The following CAGE1 variants were observed in gnomAD, a reference collection of about 807,000 sequenced individuals.
CAGE1 encodes the protein cancer-associated gene 1 protein.
CAGE1 carries 66 observed loss-of-function variants against 94.9 expected under a neutral mutation model. That is an observed-to-expected ratio of 0.70 (90% CI 0.57 to 0.85). The LOEUF (loss-of-function observed/expected upper bound fraction) is 0.85, where lower values mean the gene tolerates loss of function less well. Among genes scored for constraint, CAGE1 ranks in the 40% least tolerant of loss-of-function variants. The pLI is 0.00. For missense variants in CAGE1, 865 were observed against 950.4 expected, an observed-to-expected ratio of 0.91 and a Z score of 1.18; for synonymous variants, 319 against 321.0, an observed-to-expected ratio of 0.99 and a Z score of 0.07.
At chr6:7,344,617 C>T (rs1432067988) in intron 11 of CAGE1, among the ~76,000 whole-genome samples, 1 of 152,236 alleles carries the variant, frequency 6.6e-6, no homozygotes, top group Non-Finnish European at 1.5e-5. Flanking sequence ...CGGCCCGAGA[C>T]TGGAAAGCAG....
chr6:7,342,775 T>C (rs944621033), intron 11 of CAGE1, among the ~76,000 whole-genome samples: 4 of 152,222 alleles, frequency 2.6e-5, no homozygotes, highest in African/African-American at 9.6e-5. Context: ...TTTTTATGGT[T>C]TCAGGTCTTA....
intron 9 of CAGE1, among the ~76,000 whole-genome samples, chr6:7,364,316 T>A (rs561148862): frequency 1.3e-5 from 2 of 152,344 alleles, no homozygotes; most frequent in East Asian, 3.9e-4. Context: ...CTAAAAACTT[T>A]CCCTTTCCTT....
Position 7,389,697 on chromosome 6 carries a change from C to G in CAGE1, c.-519G>C, listed in dbSNP as rs1761270999. The stretch of plus-strand genomic sequence containing the variant: ...GCTACTCAACACGCCTTCCTGAGAG[C>G]ACAGAACATCCACAGCCCTATACAG... On this transcript the variant is annotated 5_prime_UTR_variant, in exon 1 of 14. Transcript: ENST00000502583. 3 of 485,612 alleles carry G rather than the reference C, an allele frequency of 6.2e-6. No individual in the cohort carries two copies. The highest frequency in any genetic ancestry group is 7.3e-5 in the East Asian group (2 of 27,470). 30.1% of individuals were successfully genotyped at this position (485,612 alleles called of 1,614,324 possible).
At chr6:7,337,347 GAA>G (rs1758994363) in intron 11 of CAGE1, among the ~76,000 whole-genome samples, 3 of 115,526 alleles carry the variant, frequency 2.6e-5, no homozygotes, top group African/African-American at 1.0e-4. Context: ...AAAAAAAAAA[GAA>G]GAGCAGTTTT....
chr6:7,341,210 G>A, intron 11 of CAGE1: 1 of 656,400 alleles, frequency 1.5e-6, no homozygotes, highest in Middle Eastern at 2.9e-4. Flanking sequence ...CACAGCTTGT[G>A]CTAGGTGATG....
At position 7,328,930 on chromosome 6, in the gene CAGE1, ATATAT is replaced by A. The variant is rs1185219364; in HGVS notation, c.2478+914_2478+918del. ...TGTGTGTGTGTGTGTATATATATAT[ATATAT>A]TTTTTTTTTTTTTTGAGATAGAGTC... On this transcript the variant is annotated intron_variant, in intron 13 of 13. Coordinates refer to ENST00000502583, the MANE Select transcript of CAGE1 (RefSeq NM_001170692.2). Among the ~76,000 whole-genome samples the A allele has an allele frequency of 5.1e-4, 44 of 85,610 alleles. 1 individual carries two copies. The highest frequency in any genetic ancestry group is 1.6e-3 in the African/African-American group (41 of 24,918). The allele number at this position is 85,610 out of a possible 152,430, so 56.2% of individuals were successfully genotyped here. A position where few individuals can be genotyped will look rare whatever the true frequency, so the allele number is the denominator to read the frequency against.
intron 9 of CAGE1, among the ~76,000 whole-genome samples, chr6:7,360,644 A>C (rs898690314): frequency 3.3e-5 from 5 of 152,160 alleles, no homozygotes; most frequent in Non-Finnish European, 7.4e-5. Context: ...TTGTGTACAT[A>C]CAATACAATA....
At chr6:7,365,157 C>T (rs1372656642) in intron 9 of CAGE1, among the ~76,000 whole-genome samples, 3 of 152,200 alleles carry the variant, frequency 2.0e-5, no homozygotes, top group African/African-American at 7.2e-5. Context: ...ACAGCTATTA[C>T]TGCAGCATAT....
chr6:7,352,405 A>G (rs1468990941), intron 11 of CAGE1, among the ~76,000 whole-genome samples: 1 of 152,120 alleles, frequency 6.6e-6, no homozygotes, highest in African/African-American at 2.4e-5. Flanking sequence ...TGACACAAAC[A>G]AATAGAAACA....
intron 10 of CAGE1, among the ~76,000 whole-genome samples, chr6:7,355,819 T>C (rs1365503009): frequency 1.3e-5 from 2 of 152,074 alleles, no homozygotes; most frequent in African/African-American, 4.8e-5. Context: ...CTATGCAACA[T>C]AGCGAGACCA....
In CAGE1 at chr6:7,378,763, C is replaced by T. The variant is rs1760839704; in HGVS notation, c.541G>A (p.Glu181Lys). The part of the protein sequence containing the change: ...VSANTDQLGN[E>K]YFRQPPPRSP... ...CTAGGAGGAGGCTGTCTAAAATACTCGTTACCAAGTTGGTCTGTATTTGCA... is the reference window on the plus strand; with the variant it reads ...CTAGGAGGAGGCTGTCTAAAATACTTGTTACCAAGTTGGTCTGTATTTGCA... The change falls in exon 4 of 14, where the codon GAG (glutamate) becomes AAG (lysine). Residue 181 changes from glutamate to lysine, a missense_variant. Coordinates refer to ENST00000502583, the MANE Select transcript of CAGE1 (RefSeq NM_001170692.2). The T allele has an allele frequency of 1.2e-6, 2 of 1,613,902 alleles. No individual in the cohort carries two copies. The highest frequency in any genetic ancestry group is 1.1e-5 in the South Asian group (1 of 91,072).
chr6:7,326,911 A>T lies in CAGE1; in HGVS notation c.2479-12T>A. The T allele has an allele frequency of 6.3e-7, 1 of 1,581,192 alleles. No individual in the cohort carries two copies. The highest frequency in any genetic ancestry group is 8.7e-7 in the Non-Finnish European group (1 of 1,150,764). On this transcript the variant is annotated splice_polypyrimidine_tract_variant and intron_variant, in intron 13 of 13. Transcript: ENST00000502583. ...AAAAGAGCTGGCATCTAAAAATGAA[A>T]GGAAAAATGTTTCGTAAGTTTTGGG...
At chr6:7,331,685 C>T (rs542153268) in intron 12 of CAGE1, 2 of 185,946 alleles carry the variant, frequency 1.1e-5, no homozygotes, top group Middle Eastern at 1.3e-3. Flanking sequence ...ATCTTAAACT[C>T]TTCGAGGTGG....
intron 11 of CAGE1, among the ~76,000 whole-genome samples, chr6:7,345,653 C>T (rs1171796902): frequency 1.2e-4 from 18 of 152,126 alleles, no homozygotes; most frequent in African/African-American, 2.7e-4. Context: ...ACAGGCCCGG[C>T]GCAGTGGCTC....
rs1342146865 is a variant in CAGE1, at chr6:7,370,189, C to T, written c.1747-124G>A. On this transcript the variant is annotated intron_variant, in intron 5 of 13. Coordinates refer to ENST00000502583, the MANE Select transcript of CAGE1 (RefSeq NM_001170692.2). The stretch of plus-strand genomic sequence containing the variant: ...GGCGACAGTTCTCAAACTTTTTCAT[C>T]TTAGGATCCCTTTAGAAATTAAAAC... 9.3e-6 allele frequency: 5 copies of T among 536,538 alleles called. No homozygotes were observed. The East Asian group carries it at 1.3e-4, about 14-fold the overall frequency. 33.2% of individuals were successfully genotyped at this position (536,538 alleles called of 1,614,324 possible).
chr6:7,349,805 A>G (rs1239914790), intron 11 of CAGE1, among the ~76,000 whole-genome samples: 2 of 151,838 alleles, frequency 1.3e-5, no homozygotes, highest in East Asian at 3.9e-4. Context: ...GGTGGTGCAC[A>G]CCTGTAATCC....
At chr6:7,346,668 A>G (rs1266670403) in intron 11 of CAGE1, among the ~76,000 whole-genome samples, 1 of 151,592 alleles carries the variant, frequency 6.6e-6, no homozygotes, top group Non-Finnish European at 1.5e-5. Context: ...CCAACACGGC[A>G]AAACCCTGTC....
At chr6:7,360,495 G>T (rs1159506790) in intron 9 of CAGE1, among the ~76,000 whole-genome samples, 1 of 152,202 alleles carries the variant, frequency 6.6e-6, no homozygotes, top group Non-Finnish European at 1.5e-5. Context: ...AACTTAGAGG[G>T]AAAGTATGTC....
intron 3 of CAGE1, 109 bp from the exon 4 acceptor site, chr6:7,379,129 T>C: frequency 1.5e-6 from 1 of 686,524 alleles, no homozygotes; most frequent in African/African-American, 1.8e-5. Flanking sequence ...TTAAAAATTA[T>C]ATATTATTTC....
Sources: gnomAD v4.1 joint callset for allele counts (sites outside exome capture counted in the v4.1 genomes callset) on GRCh38, gnomAD v4.1.1 for gene constraint, MANE v1.5 for transcripts, NCBI Gene and HGNC (gene_info 2026-07-23, HGNC 2026-07-21) for gene names.